Variants in DPP10 observed in about 807,000 individuals in gnomAD.
DPP10 encodes the protein dipeptidyl peptidase like 10.
A neutral mutation model predicts 120.9 loss-of-function variants in DPP10; 33 were observed. The observed-to-expected ratio is 0.27, with a 90% CI of 0.21 to 0.37. DPP10 has a LOEUF of 0.37. DPP10 is among the 10% of genes least tolerant of loss of function. DPP10 has a pLI of 1.00. For synonymous variants in DPP10, 337 were observed against 326.1 expected (o/e 1.03, Z -0.36); for missense variants, 816 against 942.8 (o/e 0.87, Z 1.76).
chr2:114,458,114 C>T (rs1317975093), intron 1 of DPP10, among the ~76,000 whole-genome samples: 6 of 150,830 alleles, frequency 4.0e-5, no homozygotes, highest in African/African-American at 1.2e-4. Flanking sequence ...TTCCTGGTCT[C>T]TTTCCAGAAC....
At chr2:114,784,326 G>C (rs1682587012) in intron 1 of DPP10, among the ~76,000 whole-genome samples, 1 of 152,048 alleles carries the variant, frequency 6.6e-6, no homozygotes, top group Non-Finnish European at 1.5e-5. Context: ...AACAGCATCT[G>C]TCCTCAATGC....
At chr2:115,173,657 G>T (rs1050817507) in intron 1 of DPP10, among the ~76,000 whole-genome samples, 8 of 152,264 alleles carry the variant, frequency 5.3e-5, no homozygotes, top group African/African-American at 1.7e-4. Flanking sequence ...AGATGCAACA[G>T]TCAAATTGCC....
intron 7 of DPP10, among the ~76,000 whole-genome samples, chr2:115,726,829 G>T (rs2092776446): frequency 6.6e-6 from 1 of 152,108 alleles, no homozygotes; most frequent in Non-Finnish European, 1.5e-5. Flanking sequence ...AAGATCTTGT[G>T]TTTTCTCTAT....
intron 3 of DPP10, among the ~76,000 whole-genome samples, chr2:115,359,404 G>A (rs919667066): frequency 1.3e-5 from 2 of 152,114 alleles, no homozygotes; most frequent in Non-Finnish European, 2.9e-5. Flanking sequence ...TTTGACAGAA[G>A]ATGAAATTAT....
chr2:114,890,966 T>C (rs555529174), intron 1 of DPP10, among the ~76,000 whole-genome samples: 1 of 152,256 alleles, frequency 6.6e-6, no homozygotes, highest in East Asian at 1.9e-4. Flanking sequence ...TTGCTCCACA[T>C]AGGAAAACAC....
intron 14 of DPP10, 60 bp from the exon 15 acceptor site, chr2:115,777,727 T>A: frequency 6.4e-7 from 1 of 1,563,012 alleles, no homozygotes; most frequent in Non-Finnish European, 8.8e-7. Context: ...GTGACAAAAT[T>A]CACAGATCAC....
chr2:114,460,503 GA>G (rs954675450), intron 1 of DPP10, among the ~76,000 whole-genome samples: 2 of 151,940 alleles, frequency 1.3e-5, no homozygotes, highest in African/African-American at 4.8e-5. Context: ...CTGGGTGATT[GA>G]AAAAAACTAC....
chr2:114,858,884 G>A (rs2106519274), intron 1 of DPP10, among the ~76,000 whole-genome samples: 2 of 152,256 alleles, frequency 1.3e-5, no homozygotes, highest in South Asian at 2.1e-4. Context: ...CAGCTAATGA[G>A]AGCCAGAATG....
intron 5 of DPP10, among the ~76,000 whole-genome samples, chr2:115,622,843 T>G (rs183714734): frequency 0.07 from 10,294 of 147,768 alleles, 404 homozygotes; most frequent in Middle Eastern, 0.079. Flanking sequence ...TTTTTTTTTT[T>G]TTTGTTTTTT....
intron 1 of DPP10, among the ~76,000 whole-genome samples, chr2:115,121,975 G>A (rs1357660096): frequency 3.3e-5 from 5 of 152,320 alleles, no homozygotes; most frequent in South Asian, 2.1e-4. Context: ...CCAGGTTTGG[G>A]TATGCATCGA....
At chr2:115,370,452 T>C (rs1417122253) in intron 3 of DPP10, among the ~76,000 whole-genome samples, 1 of 151,970 alleles carries the variant, frequency 6.6e-6, no homozygotes, top group African/African-American at 2.4e-5. Flanking sequence ...AGTAAAGGCC[T>C]GGAGAAAGCA....
rs138055400 is a variant in DPP10 at position 115,431,423 on chromosome 2, A to C, written c.272-68087A>C. On this transcript the variant is annotated intron_variant, in intron 3 of 25. Coordinates refer to ENST00000410059, the MANE Select transcript of DPP10 (RefSeq NM_020868.6). ...GGAATCCCAACAGAAACTCTTGCAT[A>C]TTACTAGGTCAGGATGCAGATGAGG... Among the ~76,000 whole-genome samples the C allele has an allele frequency of 3.1e-4, 47 of 152,272 alleles. No homozygotes were observed. In the East Asian group the frequency reaches 8.7e-3, roughly 28 times the overall value.
At chr2:114,472,569 A>C (rs1680010168) in intron 1 of DPP10, among the ~76,000 whole-genome samples, 1 of 152,080 alleles carries the variant, frequency 6.6e-6, no homozygotes, top group South Asian at 2.1e-4. Flanking sequence ...AACTGTTCTC[A>C]CCTTCGATGC....
intron 5 of DPP10, among the ~76,000 whole-genome samples, chr2:115,587,281 G>T (rs2082356252): frequency 6.6e-6 from 1 of 151,656 alleles, no homozygotes; most frequent in South Asian, 2.1e-4. Flanking sequence ...TGTATGTTTA[G>T]TAGAGACTGG....
intron 1 of DPP10, among the ~76,000 whole-genome samples, chr2:115,135,301 A>G (rs2050597751): frequency 6.6e-6 from 1 of 151,892 alleles, no homozygotes; most frequent in African/African-American, 2.4e-5. Context: ...TTCCTTCTGC[A>G]TTGCTTTTTA....
intron 1 of DPP10, among the ~76,000 whole-genome samples, chr2:114,695,829 A>ATG (rs1700036644): frequency 2.0e-5 from 3 of 152,210 alleles, no homozygotes; most frequent in African/African-American, 7.2e-5. Flanking sequence ...CTATGCTGTG[A>ATG]TGCAGCCAAA....
intron 1 of DPP10, among the ~76,000 whole-genome samples, chr2:114,742,773 T>G (rs1678192250): frequency 6.6e-6 from 1 of 152,220 alleles, no homozygotes; most frequent in African/African-American, 2.4e-5. Flanking sequence ...TACATAATCA[T>G]TTTTGAACCA....
At chr2:114,815,882 GTTTTT>G (rs3036391) in intron 1 of DPP10, among the ~76,000 whole-genome samples, 53 of 144,100 alleles carry the variant, frequency 3.7e-4, no homozygotes, top group African/African-American at 1.3e-3. Flanking sequence ...AATTTTCTTA[GTTTTT>G]TTTTTTTTTT....
intron 1 of DPP10, among the ~76,000 whole-genome samples, chr2:115,081,768 G>A (rs1708292138): frequency 6.6e-6 from 1 of 152,128 alleles, no homozygotes; most frequent in Non-Finnish European, 1.5e-5. Flanking sequence ...TCAAGTTCAA[G>A]ACGTGGTACA....
Sources: gnomAD v4.1 joint callset for allele counts (sites outside exome capture counted in the v4.1 genomes callset) on GRCh38, gnomAD v4.1.1 for gene constraint, MANE v1.5 for transcripts, NCBI Gene and HGNC (gene_info 2026-07-23, HGNC 2026-07-21) for gene names.